The following AP3B2 variants were observed in gnomAD, a reference collection of about 807,000 sequenced individuals.
AP3B2 encodes AP-3 complex subunit beta-2.
In AP3B2, 50 loss-of-function variants were observed where a neutral mutation model predicts 126.9. That is an observed-to-expected ratio of 0.39 (90% CI 0.31 to 0.50). The LOEUF (loss-of-function observed/expected upper bound fraction) is 0.50, where lower values mean the gene tolerates loss of function less well. Among genes scored for constraint, AP3B2 ranks in the 20% least tolerant of loss-of-function variants. The pLI is 0.79. For missense variants in AP3B2, 1,177 were observed against 1,426.4 expected (o/e 0.83, Z 2.82); for synonymous variants, 541 against 565.0 (o/e 0.96, Z 0.60).
chr15:82,696,509 C>T (rs1461322429), intron 1 of AP3B2, among the ~76,000 whole-genome samples: 5 of 152,084 alleles, frequency 3.3e-5, no homozygotes, highest in African/African-American at 4.8e-5. Flanking sequence ...ACCCAGGAGG[C>T]GGAGATTGCA....
Position 82,663,144 on chromosome 15 carries a change from A to G in AP3B2, c.2587T>C (p.Ser863Pro), listed in dbSNP as rs1306182985. Residue 863 changes from serine to proline, a missense_variant, in exon 22 of 27, where the codon TCC (serine) becomes CCC (proline). Coordinates refer to ENST00000535359, the MANE Select transcript of AP3B2 (RefSeq NM_001278512.2). ...CCACTCACCGACGGTACCAGGGTGGAGTCTGTGAGTGTCAGGCCCTCCAGG... is the reference window on the plus strand; with the variant it reads ...CCACTCACCGACGGTACCAGGGTGGGGTCTGTGAGTGTCAGGCCCTCCAGG... ...ADLEGLTLTD[S>P]TLVPSLLSPV... 1.2e-6 allele frequency: 2 copies of G among 1,611,220 alleles called. No individual in the cohort carries two copies. The highest frequency in any genetic ancestry group is 1.7e-6 in the Non-Finnish European group (2 of 1,179,314).
chr15:82,689,359 C>T lies in AP3B2; in HGVS notation c.189+19G>A. On this transcript the variant is annotated intron_variant, in intron 2 of 26. Transcript: ENST00000535359. ...ACCCAGGCCCCGCCCGGAGGGAGGC[C>T]TCCTCCTTCCCCTCTTACCGCCACA... 6.2e-7 allele frequency: 1 copy of T among 1,613,562 alleles called. No individual in the cohort carries two copies. The highest frequency in any genetic ancestry group is 2.2e-5 in the East Asian group (1 of 44,862).
chr15:82,680,930 G>A lies in AP3B2; in HGVS notation c.678C>T (p.Asn226=). The A allele has an allele frequency of 6.2e-7, 1 of 1,613,986 alleles. No homozygotes were observed. Among genetic ancestry groups the A allele is most frequent in the Non-Finnish European group, 8.5e-7 (1 of 1,179,882 alleles). The stretch of plus-strand genomic sequence containing the variant: ...CCCACTCCTCCACGTCGATCAGCAG[G>A]TTACAGAGTTTCCGGTAGTTTTTGT... ...LIHKNYRKLC[N]LLIDVEEWGQ... Residue 226 remains asparagine, a synonymous_variant, in exon 7 of 27, where the codon AAC becomes AAT. Transcript: ENST00000535359. The surrounding 1 kb of genome is among the most constrained non-coding windows in gnomAD (Gnocchi z 6.1).
chr15:82,706,273 C>T (rs1325475277), intron 1 of AP3B2, among the ~76,000 whole-genome samples: 3 of 152,184 alleles, frequency 2.0e-5, no homozygotes, highest in Non-Finnish European at 4.4e-5. Flanking sequence ...AAGCTTAACT[C>T]ATTGCCTTAA....
intron 14 of AP3B2, among the ~76,000 whole-genome samples, chr15:82,670,715 A>C (rs1000971001): frequency 3.3e-5 from 5 of 152,318 alleles, no homozygotes; most frequent in African/African-American, 1.2e-4. Context: ...GGATCACATC[A>C]AGTTACAAAG....
chr15:82,661,963 C>T, intron 24 of AP3B2, 41 bp from the exon 25 acceptor site: 2 of 1,558,686 alleles, frequency 1.3e-6, no homozygotes, highest in Non-Finnish European at 1.8e-6. Flanking sequence ...TTAAGGCTGT[C>T]ATCTCTCCCC....
rs1462787445 is a variant in AP3B2, at chr15:82,689,239, G to T, written c.190-7C>A. On this transcript the variant is annotated splice_region_variant and splice_polypyrimidine_tract_variant and intron_variant, in intron 2 of 26. Coordinates refer to ENST00000535359, the MANE Select transcript of AP3B2 (RefSeq NM_001278512.2). Reference sequence around the variant, plus strand: ...TCTTTCCTCGGGCAATCATCTGGGTGGTGGGGTCAAGGTAGGGGAAGAGGG... The same window carrying T: ...TCTTTCCTCGGGCAATCATCTGGGTTGTGGGGTCAAGGTAGGGGAAGAGGG... The T allele has an allele frequency of 6.2e-7, 1 of 1,613,912 alleles. No individual in the cohort carries two copies. Among genetic ancestry groups the T allele is most frequent in the Non-Finnish European group, 8.5e-7 (1 of 1,179,908 alleles).
chr15:82,692,342 T>C, intron 1 of AP3B2: 1 of 545,568 alleles, frequency 1.8e-6, no homozygotes, highest in Admixed American at 3.9e-5. Flanking sequence ...GATGCGCTCA[T>C]CCGCCCAGCC....
chr15:82,670,887 A>G (rs1053110063), intron 14 of AP3B2, among the ~76,000 whole-genome samples: 5 of 152,254 alleles, frequency 3.3e-5, no homozygotes, highest in Admixed American at 6.5e-5. Flanking sequence ...AAAATGGGCA[A>G]AAGAGCTGAA....
chr15:82,660,529 A>G (rs931377516), intron 25 of AP3B2, among the ~76,000 whole-genome samples: 2 of 152,050 alleles, frequency 1.3e-5, no homozygotes, highest in African/African-American at 4.8e-5. Flanking sequence ...GAAGCCTCCA[A>G]ACCTTCACAG....
intron 1 of AP3B2, among the ~76,000 whole-genome samples, chr15:82,694,680 G>A (rs953186856): frequency 1.3e-5 from 2 of 149,724 alleles, no homozygotes; most frequent in Non-Finnish European, 3.0e-5. Flanking sequence ...GCAAGAACCT[G>A]TCTCTAAAAA....
intron 4 of AP3B2, among the ~76,000 whole-genome samples, chr15:82,683,048 T>TTTTTTG (rs2048369217): frequency 2.7e-5 from 1 of 36,692 alleles, no homozygotes; most frequent in Admixed American, 3.5e-4. Context: ...GCACCAGGAG[T>TTTTTTG]TTTTTTTTTT....
Position 82,661,917 on chromosome 15 carries a change from TGGGTGCTGG to T in AP3B2, c.2919-4_2923del. 2 of 1,613,708 alleles carry T rather than the reference TGGGTGCTGG, an allele frequency of 1.2e-6. No individual in the cohort carries two copies. Among genetic ancestry groups the T allele is most frequent in the Non-Finnish European group, 1.7e-6 (2 of 1,179,756 alleles). On this transcript the variant is annotated splice_acceptor_variant and splice_polypyrimidine_tract_variant and coding_sequence_variant and intron_variant, in exon 25 of 27. Transcript: ENST00000535359. LOFTEE classifies it high-confidence loss of function. ...AATGGAGACGTAGAACTGTCGGGTC[TGGGTGCTGG>T]GAGGGGTGGGAGGAAACGGAGAAGA...
chr15:82,702,005 G>A (rs1167271706), intron 1 of AP3B2, among the ~76,000 whole-genome samples: 1 of 152,056 alleles, frequency 6.6e-6, no homozygotes, highest in Non-Finnish European at 1.5e-5. Flanking sequence ...TCAGCCTTTA[G>A]TTCACCTCTT....
intron 1 of AP3B2, among the ~76,000 whole-genome samples, chr15:82,691,316 T>C (rs150052214): frequency 0.019 from 2,892 of 152,326 alleles, 36 homozygotes; most frequent in Non-Finnish European, 0.028. Flanking sequence ...TGGTGTGAGA[T>C]GGTACCTCAT....
rs1226910164 is a variant in AP3B2, at chr15:82,700,397, C to CTTTTTTTTTTTTTTTTTTTTTTTTTTTTT, written c.113+9196_113+9197insAAAAAAAAAAAAAAAAAAAAAAAAAAAAA. Among the ~76,000 whole-genome samples, 5 of 35,096 alleles carry CTTTTTTTTTTTTTTTTTTTTTTTTTTTTT rather than the reference C, an allele frequency of 1.4e-4. 1 individual carries two copies. The highest frequency in any genetic ancestry group is 2.0e-4 in the African/African-American group (2 of 9,940). 23.0% of individuals were successfully genotyped at this position (35,096 alleles called of 152,430 possible). ...CCACTGGCCTGCCAGTGGTGGGTGG[C>CTTTTTTTTTTTTTTTTTTTTTTTTTTTTT]TTTTTTTTTTTTTTTTTTCAGATGG... On this transcript the variant is annotated intron_variant, in intron 1 of 26. Transcript: ENST00000535359.
In AP3B2 at chr15:82,666,861, G is replaced by A. The variant is rs750333792; in HGVS notation, c.1738C>T (p.Arg580Cys). 23 of 1,613,994 alleles carry A rather than the reference G, an allele frequency of 1.4e-5. No individual in the cohort carries two copies. The highest frequency in any genetic ancestry group is 1.7e-6 in the Non-Finnish European group (2 of 1,179,882). Residue 580 changes from arginine to cysteine, a missense_variant, in exon 15 of 27, where the codon CGC becomes TGC. By Grantham distance (180) the Arg-to-Cys change is radical (BLOSUM62 -3). Around this residue, in one of 5 missense-constraint regions of AP3B2, gnomAD observed 308 missense variants for 452.4 expected, o/e 0.68. Transcript: ENST00000535359. ...DQNYDIRDRARFTRQLIVPSE... is the reference protein window; with the variant it reads ...DQNYDIRDRACFTRQLIVPSE... ...GGGACGATGAGCTGCCGGGTGAAGC[G>A]CGCCCGGTCGCGAATATCATAGTTC...
chr15:82,683,401 C>CA (rs1240255109), intron 4 of AP3B2, among the ~76,000 whole-genome samples: 2 of 152,158 alleles, frequency 1.3e-5, no homozygotes, highest in Non-Finnish European at 2.9e-5. Flanking sequence ...TCATAAGAAG[C>CA]AAGTCCTCAT....
At chr15:82,666,364 T>C (rs2048057823) in intron 15 of AP3B2, among the ~76,000 whole-genome samples, 1 of 152,248 alleles carries the variant, frequency 6.6e-6, no homozygotes, top group Admixed American at 6.5e-5. Context: ...TCAGGACCTT[T>C]ATAAAAATAT....
Sources: gnomAD v4.1 joint callset for allele counts (sites outside exome capture counted in the v4.1 genomes callset) on GRCh38, gnomAD v4.1.1 for gene constraint, gnomAD v4.1.1 regional missense constraint, Gnocchi (gnomAD v3.1) non-coding constraint, MANE v1.5 for transcripts, NCBI Gene and HGNC (gene_info 2026-07-23, HGNC 2026-07-21) for gene names.